The following CAND1 variants were observed in gnomAD, a reference collection of about 807,000 sequenced individuals.
CAND1 encodes cullin associated and neddylation dissociated 1.
Under a neutral mutation model 108.5 loss-of-function variants are expected in CAND1, and 7 were observed. That is an observed-to-expected ratio of 0.06 (90% CI 0.04 to 0.12). CAND1 has a LOEUF of 0.12. Among genes scored for constraint, CAND1 ranks in the 10% least tolerant of loss-of-function variants. The probability of loss-of-function intolerance (pLI) is 1.00; values close to 1 mark genes in which losing one functional copy is unlikely to be tolerated. For missense variants in CAND1, 941 were observed against 1,448.7 expected (o/e 0.65, Z 5.69); for synonymous variants, 534 against 512.0 (o/e 1.04, Z -0.58).
At chr12:67,277,620 CAG>C (rs1224694260) in intron 1 of CAND1, among the ~76,000 whole-genome samples, 4 of 152,176 alleles carry the variant, frequency 2.6e-5, no homozygotes, top group Admixed American at 1.3e-4. Context: ...AGCTAGAAGG[CAG>C]AGTGTTGCTT....
At chr12:67,287,857 A>ATTTTTTTTTTTTTTTTTTTTTT (rs34177330) in intron 2 of CAND1, among the ~76,000 whole-genome samples, 3 of 112,554 alleles carry the variant, frequency 2.7e-5, no homozygotes, top group Admixed American at 9.8e-5. Flanking sequence ...TTTTGATGTG[A>ATTTTTTTTTTTTTTTTTTTTTT]TTTTTTTTTT....
At chr12:67,296,372 T>C (rs1204144087) in intron 4 of CAND1, among the ~76,000 whole-genome samples, 2 of 152,112 alleles carry the variant, frequency 1.3e-5, no homozygotes, top group Non-Finnish European at 2.9e-5. Flanking sequence ...TTTTTTAGTG[T>C]TGTGAATCCC....
Position 67,295,055 on chromosome 12 carries a change from A to G in CAND1, c.390A>G (p.Val130=), listed in dbSNP as rs139902665. 5.3e-4 allele frequency: 857 copies of G among 1,612,610 alleles called. 2 individuals are homozygous for G. The highest frequency in any genetic ancestry group is 6.3e-4 in the Non-Finnish European group (739 of 1,179,162). The change falls in exon 4 of 15, where the codon GTA becomes GTG. Residue 130 remains valine, a synonymous_variant. Coordinates refer to ENST00000545606, the MANE Select transcript of CAND1 (RefSeq NM_018448.5). Reference sequence around the variant, plus strand: ...CAGGCTCTGCATTAGCTGCTAATGTATGTAAAAAGATTACTGGACGTCTTA... The same window carrying G: ...CAGGCTCTGCATTAGCTGCTAATGTGTGTAAAAAGATTACTGGACGTCTTA... ...ASSGSALAAN[V]CKKITGRLTS... is the part of the protein sequence containing the mutation.
At chr12:67,292,978 A>G in intron 3 of CAND1, 1 of 505,140 alleles carries the variant, frequency 2.0e-6, no homozygotes, top group South Asian at 2.3e-5. Context: ...TTTTGATTGA[A>G]CTTGTATGTA....
intron 7 of CAND1, among the ~76,000 whole-genome samples, chr12:67,300,553 G>C (rs570735925): frequency 6.6e-6 from 1 of 152,034 alleles, no homozygotes; most frequent in Non-Finnish European, 1.5e-5. Flanking sequence ...AAACCTTGCA[G>C]TCATACCTGA....
chr12:67,305,276 A>C lies in CAND1; in HGVS notation c.1608A>C (p.Thr536=). 1.3e-5 allele frequency: 21 copies of C among 1,614,174 alleles called. No individual in the cohort carries two copies. Among genetic ancestry groups the C allele is most frequent in the Non-Finnish European group, 1.7e-5 (20 of 1,180,028 alleles). ...ACVGDPFYKI[T]SEALLVTQQL... ...TTGGAGACCCATTTTACAAAATTAC[A>C]TCTGAAGCACTTCTTGTTACTCAAC... The change falls in exon 10 of 15, where the codon ACA becomes ACC. Residue 536 remains threonine, a synonymous_variant. Transcript: ENST00000545606. The surrounding 1 kb of genome is among the most constrained non-coding windows in gnomAD (Gnocchi z 4.4).
chr12:67,307,258 G>C (rs145593296), intron 10 of CAND1, 139 bp from the exon 11 acceptor site: 3 of 627,630 alleles, frequency 4.8e-6, no homozygotes, highest in East Asian at 5.5e-5. Flanking sequence ...ATTCATGTGT[G>C]CAATAAGAAA....
In CAND1 at chr12:67,306,153, A is replaced by T; in HGVS notation, c.2485A>T (p.Arg829Trp). 6.2e-7 allele frequency: 1 copy of T among 1,614,138 alleles called. No individual in the cohort carries two copies. The highest frequency in any genetic ancestry group is 8.5e-7 in the Non-Finnish European group (1 of 1,179,992). The change falls in exon 10 of 15, where the codon AGG (arginine) becomes TGG (tryptophan). Residue 829 changes from arginine to tryptophan, a missense_variant. Arg to Trp is a moderately radical substitution (Grantham distance 101). Transcript: ENST00000545606. ...GQFIQDVKNS[R>W]STDSIRLLAL... The stretch of plus-strand genomic sequence containing the variant: ...GTTTATTCAAGATGTCAAGAACTCA[A>T]GGTCTACAGATTCCATTCGTCTCTT...
At chr12:67,285,325 C>T (rs2044660149) in intron 2 of CAND1, among the ~76,000 whole-genome samples, 1 of 152,168 alleles carries the variant, frequency 6.6e-6, no homozygotes, top group South Asian at 2.1e-4. Flanking sequence ...GATGGGATAA[C>T]TCCACATCAT....
intron 10 of CAND1, 21 bp from the exon 11 acceptor site, chr12:67,307,376 T>G (rs749364385): frequency 4.4e-6 from 7 of 1,578,094 alleles, no homozygotes; most frequent in Non-Finnish European, 4.3e-6. Context: ...ACCAATAGAC[T>G]TGCAATTTAT....
chr12:67,273,588 T>G lies in CAND1; in HGVS notation c.68+3803T>G, dbSNP rs551106300. Among the ~76,000 whole-genome samples, 36 of 151,896 alleles carry G rather than the reference T, an allele frequency of 2.4e-4. No homozygotes were observed. The South Asian group carries it at 7.5e-3, about 32-fold the overall frequency. ...TTCAACCTCCTGGGCTCAAGCGATTTTCTTCCCACCTCAGCCCCCAGAGTA... is the reference window on the plus strand; with the variant it reads ...TTCAACCTCCTGGGCTCAAGCGATTGTCTTCCCACCTCAGCCCCCAGAGTA... On this transcript the variant is annotated intron_variant, in intron 1 of 14. Coordinates refer to ENST00000545606, the MANE Select transcript of CAND1 (RefSeq NM_018448.5).
Position 67,297,759 on chromosome 12 carries a change from G to C in CAND1, c.760G>C (p.Glu254Gln). ...QAGHRIGEYL[E>Q]KIIPLVVKFC... ...TATGCTTTTCTTAGGTGAATACCTTGAGAAGATAATTCCTTTGGTGGTAAA... is the reference window on the plus strand; with the variant it reads ...TATGCTTTTCTTAGGTGAATACCTTCAGAAGATAATTCCTTTGGTGGTAAA... The change falls in exon 6 of 15, where the codon GAG becomes CAG. Residue 254 changes from glutamate (E) to glutamine (Q), a missense_variant. Physicochemically the swap from Glu to Gln is conservative, Grantham distance 29. Transcript: ENST00000545606. The C allele has an allele frequency of 1.2e-6, 2 of 1,605,820 alleles. No homozygotes were observed. Among genetic ancestry groups the C allele is most frequent in the Non-Finnish European group, 1.7e-6 (2 of 1,174,288 alleles).
chr12:67,304,766 C>T lies in CAND1; in HGVS notation c.1435+20C>T, dbSNP rs374813171. On this transcript the variant is annotated intron_variant, in intron 9 of 14. Transcript: ENST00000545606. ...TACCAGGTATGAAAGAAACATAAAT[C>T]TCTTTTGGGACTTATTGTAGCCTTT... is the stretch of plus-strand genomic sequence containing the variant. 3 of 1,610,426 alleles carry T rather than the reference C, an allele frequency of 1.9e-6. No individual in the cohort carries two copies. The highest frequency in any genetic ancestry group is 1.3e-5 in the African/African-American group (1 of 74,642).
chr12:67,284,471 A>G (rs919897711), intron 2 of CAND1, among the ~76,000 whole-genome samples: 5 of 152,192 alleles, frequency 3.3e-5, no homozygotes, highest in Non-Finnish European at 5.9e-5. Flanking sequence ...CAAGACACTG[A>G]TAAGAGTCAA....
chr12:67,310,098 G>A, intron 12 of CAND1, 28 bp downstream of exon 12: 1 of 1,609,154 alleles, frequency 6.2e-7, no homozygotes. Context: ...GTTTATTTGA[G>A]CTTGTCTTTG....
chr12:67,282,187 G>A, intron 2 of CAND1, 134 bp downstream of exon 2: 1 of 859,440 alleles, frequency 1.2e-6, no homozygotes, highest in Non-Finnish European at 1.8e-6. Flanking sequence ...ATTTTTAGGT[G>A]ACTAATGTTT....
intron 13 of CAND1, 167 bp downstream of exon 13, chr12:67,310,483 C>G (rs969537748): frequency 1.2e-4 from 58 of 488,980 alleles, no homozygotes; most frequent in African/African-American, 1.1e-3. Context: ...CAGTGTAACA[C>G]CAGTTGACGT....
Position 67,305,994 on chromosome 12 carries a change from T to C in CAND1, c.2326T>C (p.Leu776=), listed in dbSNP as rs1414479825. The C allele has an allele frequency of 6.2e-7, 1 of 1,614,198 alleles. No homozygotes were observed. Among genetic ancestry groups the C allele is most frequent in the Admixed American group, 1.7e-5 (1 of 60,018 alleles). The change falls in exon 10 of 15, where the codon TTG becomes CTG. Residue 776 remains leucine (L), a synonymous_variant. Transcript: ENST00000545606. This position sits in a 1 kb window ranked among gnomAD's most constrained non-coding sequence, Gnocchi z 4.4. ...AAATAATTTAGGATACATGGATTTGTTGCGCATGCTGACTGGTCCAGTTTA... is the reference window on the plus strand; with the variant it reads ...AAATAATTTAGGATACATGGATTTGCTGCGCATGCTGACTGGTCCAGTTTA... ...GTNNLGYMDL[L]RMLTGPVYSQ...
At chr12:67,304,184 T>G (rs563458933) in intron 8 of CAND1, among the ~76,000 whole-genome samples, 1 of 152,160 alleles carries the variant, frequency 6.6e-6, no homozygotes, top group African/African-American at 2.4e-5. Flanking sequence ...GAGACAGGGT[T>G]TCACCATGTT....
Sources: gnomAD v4.1 joint callset for allele counts (sites outside exome capture counted in the v4.1 genomes callset) on GRCh38, gnomAD v4.1.1 for gene constraint, Gnocchi (gnomAD v3.1) non-coding constraint, MANE v1.5 for transcripts, NCBI Gene and HGNC (gene_info 2026-07-23, HGNC 2026-07-21) for gene names.